Variants in CCDC85A observed in about 807,000 individuals in gnomAD.
CCDC85A encodes coiled-coil domain-containing protein 85A.
A neutral mutation model predicts 50.2 loss-of-function variants in CCDC85A; 38 were observed. The observed-to-expected ratio is 0.76, with a 90% CI of 0.58 to 0.99. CCDC85A has a LOEUF of 0.99. Among genes scored for constraint, CCDC85A ranks in the 50% least tolerant of loss-of-function variants. The pLI, the probability that CCDC85A is intolerant of heterozygous loss-of-function variation, is 0.00. For missense variants in CCDC85A, 820 were observed against 742.0 expected (o/e 1.11, Z -1.22); for synonymous variants, 366 against 301.4 (o/e 1.21, Z -2.22).
At chr2:56,327,981 G>T (rs1370679456) in intron 2 of CCDC85A, among the ~76,000 whole-genome samples, 1 of 152,022 alleles carries the variant, frequency 6.6e-6, no homozygotes, top group Non-Finnish European at 1.5e-5. Context: ...AATCTAATAA[G>T]GAAGATACTG....
chr2:56,225,832 T>C (rs1668518821), intron 2 of CCDC85A, among the ~76,000 whole-genome samples: 1 of 152,194 alleles, frequency 6.6e-6, no homozygotes, highest in South Asian at 2.1e-4. Flanking sequence ...GATCCTGCTC[T>C]TGTCTCAAGG....
intron 2 of CCDC85A, among the ~76,000 whole-genome samples, chr2:56,297,258 G>A (rs62167331): frequency 0.049 from 7,404 of 152,224 alleles, 260 homozygotes; most frequent in Non-Finnish European, 0.08. Flanking sequence ...ATTCTTACTG[G>A]TATGCTAAGA....
chr2:56,274,929 C>A (rs1670858707), intron 2 of CCDC85A, among the ~76,000 whole-genome samples: 1 of 152,112 alleles, frequency 6.6e-6, no homozygotes, highest in African/African-American at 2.4e-5. Flanking sequence ...GGCCTTCTGG[C>A]CTTCTTGGTG....
chr2:56,204,641 C>G (rs1676887293), intron 2 of CCDC85A, among the ~76,000 whole-genome samples: 1 of 152,176 alleles, frequency 6.6e-6, no homozygotes. Context: ...TGCCACTCAC[C>G]TGACTTCCTC....
chr2:56,185,211 C>A (rs1351266190), intron 1 of CCDC85A, among the ~76,000 whole-genome samples: 1 of 152,202 alleles, frequency 6.6e-6, no homozygotes, highest in African/African-American at 2.4e-5. Context: ...GCTGGAAAAT[C>A]TGTGCCTGGG....
At chr2:56,227,025 A>C (rs1032307275) in intron 2 of CCDC85A, among the ~76,000 whole-genome samples, 1 of 152,188 alleles carries the variant, frequency 6.6e-6, no homozygotes, top group African/African-American at 2.4e-5. Flanking sequence ...AATAACTAAA[A>C]ATTTTAGCTA....
chr2:56,258,918 G>A (rs965328905), intron 2 of CCDC85A, among the ~76,000 whole-genome samples: 4 of 152,190 alleles, frequency 2.6e-5, no homozygotes, highest in Non-Finnish European at 5.9e-5. Flanking sequence ...GAGTGAGTAG[G>A]TGGGTAAGAT....
intron 5 of CCDC85A, among the ~76,000 whole-genome samples, chr2:56,377,464 G>T (rs1453784598): frequency 6.6e-6 from 1 of 152,148 alleles, no homozygotes; most frequent in Admixed American, 6.6e-5. Flanking sequence ...AGCCATTTCA[G>T]CCTGTTGCCT....
intron 2 of CCDC85A, among the ~76,000 whole-genome samples, chr2:56,260,099 A>C (rs1480159223): frequency 6.6e-6 from 1 of 152,232 alleles, no homozygotes; most frequent in Non-Finnish European, 1.5e-5. Flanking sequence ...ATCTGAAGGG[A>C]ACCAGATGGT....
At chr2:56,289,044 T>C (rs1272261786) in intron 2 of CCDC85A, among the ~76,000 whole-genome samples, 1 of 152,160 alleles carries the variant, frequency 6.6e-6, no homozygotes, top group Non-Finnish European at 1.5e-5. Context: ...GATAAGGACC[T>C]GGAGTGCTGA....
intron 2 of CCDC85A, among the ~76,000 whole-genome samples, chr2:56,219,241 C>T (rs145691277): frequency 1.3e-3 from 188 of 147,450 alleles, no homozygotes; most frequent in Middle Eastern, 0.01. Flanking sequence ...ATACGAGATG[C>T]GAAGATGAAT....
At chr2:56,209,421 T>TC (rs1296879946) in intron 2 of CCDC85A, among the ~76,000 whole-genome samples, 1 of 6,432 alleles carries the variant, frequency 1.6e-4, no homozygotes, top group African/African-American at 3.4e-4. Context: ...AGTCTGTTCC[T>TC]TTTTTTTTTT....
intron 2 of CCDC85A, among the ~76,000 whole-genome samples, chr2:56,313,453 AT>A (rs149899712): frequency 7.9e-5 from 12 of 152,062 alleles, no homozygotes; most frequent in Non-Finnish European, 8.8e-5. Context: ...TCCTACCTTC[AT>A]TTGTTTCATT....
intron 5 of CCDC85A, among the ~76,000 whole-genome samples, chr2:56,379,333 C>A (rs1676478455): frequency 6.6e-6 from 1 of 152,122 alleles, no homozygotes; most frequent in Non-Finnish European, 1.5e-5. Context: ...TTTTAGTCAT[C>A]TTTTATGCAG....
intron 2 of CCDC85A, among the ~76,000 whole-genome samples, chr2:56,328,250 G>C (rs578211734): frequency 6.6e-6 from 1 of 152,288 alleles, no homozygotes; most frequent in African/African-American, 2.4e-5. Context: ...GAATAGAACA[G>C]AGGTAAGAGT....
At position 56,311,891 on chromosome 2, in the gene CCDC85A, G is replaced by T. The variant is rs77428481; in HGVS notation, c.1241-30988G>T. Among the ~76,000 whole-genome samples, 1,005 of 152,116 alleles carry T rather than the reference G, an allele frequency of 6.6e-3. 8 individuals are homozygous for T. Among genetic ancestry groups the T allele is most frequent in the African/African-American group, 0.023 (944 of 41,502 alleles). ...AAGCAGCAGCAGGAGTTACATCCCAGCACAAACCTCCTGAACCAGCATCAC... is the reference window on the plus strand; with the variant it reads ...AAGCAGCAGCAGGAGTTACATCCCATCACAAACCTCCTGAACCAGCATCAC... On this transcript the variant is annotated intron_variant, in intron 2 of 5. Coordinates refer to ENST00000407595, the MANE Select transcript of CCDC85A (RefSeq NM_001080433.2).
intron 2 of CCDC85A, among the ~76,000 whole-genome samples, chr2:56,310,083 C>T (rs1672621953): frequency 6.6e-6 from 1 of 152,168 alleles, no homozygotes; most frequent in Non-Finnish European, 1.5e-5. Context: ...AAATTACTTT[C>T]TCCAGGTCTC....
intron 2 of CCDC85A, among the ~76,000 whole-genome samples, chr2:56,335,397 C>T (rs1558646906): frequency 6.6e-6 from 1 of 152,094 alleles, no homozygotes; most frequent in South Asian, 2.1e-4. Context: ...CTATTGGCCT[C>T]TTTTGCTGAG....
At chr2:56,259,398 A>G (rs1008433322) in intron 2 of CCDC85A, among the ~76,000 whole-genome samples, 2 of 152,162 alleles carry the variant, frequency 1.3e-5, no homozygotes, top group African/African-American at 4.8e-5. Flanking sequence ...ACCATATCCC[A>G]GCCTATTGCT....
Sources: allele counts gnomAD v4.1 joint callset (sites outside exome capture counted in the v4.1 genomes callset), GRCh38; gene constraint gnomAD v4.1.1; transcripts MANE v1.5; gene names NCBI Gene and HGNC (gene_info 2026-07-23, HGNC 2026-07-21).